The following NARS2 variants were observed in gnomAD, a reference collection of about 807,000 sequenced individuals.
NARS2 encodes asparaginyl-tRNA synthetase.
In NARS2, 60 loss-of-function variants were observed where a neutral mutation model predicts 62.9. That is an observed-to-expected ratio of 0.95 (90% CI 0.77 to 1.18). The LOEUF is 1.18. Among genes scored for constraint, NARS2 ranks in the 50% most tolerant of loss-of-function variants. The pLI is 0.00. For missense variants in NARS2, 619 were observed against 576.4 expected (o/e 1.07, Z -0.76); for synonymous variants, 196 against 200.0 (o/e 0.98, Z 0.17).
chr11:78,480,425 T>G (rs1369886704), intron 7 of NARS2, among the ~76,000 whole-genome samples: 1 of 152,068 alleles, frequency 6.6e-6, no homozygotes, highest in Non-Finnish European at 1.5e-5. Context: ...TAGATAATTT[T>G]TCTATTTTCA....
rs113782062 is a variant in NARS2 at position 78,544,590 on chromosome 11, C to T, written c.594+14949G>A. ...GGCAGATCACTTGAGGTCAGGAGAT[C>T]GAGACCATCCTGGCTAACACGGTGA... On this transcript the variant is annotated intron_variant, in intron 5 of 13. Transcript: ENST00000281038. Among the ~76,000 whole-genome samples the T allele has an allele frequency of 2.0e-5, 3 of 152,064 alleles. No individual in the cohort carries two copies. The South Asian group carries it at 6.2e-4, about 32-fold the overall frequency.
chr11:78,480,822 C>A (rs1230176422), intron 7 of NARS2, among the ~76,000 whole-genome samples: 1 of 145,434 alleles, frequency 6.9e-6, no homozygotes, highest in East Asian at 2.0e-4. Context: ...GTTTAACTTT[C>A]TTTTTTTTTT....
At chr11:78,548,841 C>T (rs1344398456) in intron 5 of NARS2, among the ~76,000 whole-genome samples, 1 of 152,090 alleles carries the variant, frequency 6.6e-6, no homozygotes, top group African/African-American at 2.4e-5. Context: ...TAGAAATCGT[C>T]TTAAGGGTAT....
At chr11:78,447,961 G>T (rs866538914) in intron 11 of NARS2, among the ~76,000 whole-genome samples, 1 of 152,090 alleles carries the variant, frequency 6.6e-6, no homozygotes, top group Non-Finnish European at 1.5e-5. Flanking sequence ...TCAGGCAGAA[G>T]AATAGATTTT....
At chr11:78,475,452 A>T (rs1859048345) in intron 9 of NARS2, among the ~76,000 whole-genome samples, 1 of 152,108 alleles carries the variant, frequency 6.6e-6, no homozygotes, top group Non-Finnish European at 1.5e-5. Flanking sequence ...TATGGTAAAT[A>T]TACTTTTGGT....
intron 6 of NARS2, among the ~76,000 whole-genome samples, chr11:78,505,510 C>T (rs1450827312): frequency 6.6e-6 from 1 of 150,584 alleles, no homozygotes; most frequent in Non-Finnish European, 1.5e-5. Flanking sequence ...TGAACTAAAT[C>T]AAAAGCATGG....
At chr11:78,535,357 G>T (rs910672407) in intron 5 of NARS2, among the ~76,000 whole-genome samples, 3 of 152,144 alleles carry the variant, frequency 2.0e-5, no homozygotes, top group Non-Finnish European at 4.4e-5. Context: ...ATCCTTGAGA[G>T]AAATGGTACA....
At chr11:78,529,629 A>G (rs1429780763) in intron 5 of NARS2, among the ~76,000 whole-genome samples, 1 of 152,224 alleles carries the variant, frequency 6.6e-6, no homozygotes, top group Non-Finnish European at 1.5e-5. Flanking sequence ...CAAACAGTAT[A>G]ATAAAGAAAG....
intron 3 of NARS2, among the ~76,000 whole-genome samples, chr11:78,567,813 A>C (rs1027882835): frequency 2.0e-5 from 3 of 152,224 alleles, no homozygotes; most frequent in Non-Finnish European, 2.9e-5. Flanking sequence ...TTGTTCATTA[A>C]ATATTTGAAG....
At chr11:78,462,015 CTA>C (rs750304086) in intron 11 of NARS2, among the ~76,000 whole-genome samples, 9 of 152,210 alleles carry the variant, frequency 5.9e-5, no homozygotes, top group Non-Finnish European at 1.2e-4. Flanking sequence ...AGACACAATG[CTA>C]TAGTTTCGCT....
chr11:78,491,968 C>T (rs1013576217), intron 7 of NARS2, among the ~76,000 whole-genome samples: 4 of 151,950 alleles, frequency 2.6e-5, no homozygotes, highest in Non-Finnish European at 5.9e-5. Flanking sequence ...AAATAAACAT[C>T]CCATAATTAC....
At chr11:78,480,167 G>C (rs556870341) in intron 7 of NARS2, among the ~76,000 whole-genome samples, 1 of 152,076 alleles carries the variant, frequency 6.6e-6, no homozygotes, top group Non-Finnish European at 1.5e-5. Flanking sequence ...CCCATAGTAC[G>C]AGGATTATAG....
At chr11:78,571,616 A>C in intron 1 of NARS2, 172 bp from the exon 2 acceptor site, 1 of 542,392 alleles carries the variant, frequency 1.8e-6, no homozygotes. Context: ...CAATCACAAT[A>C]GGATACACAC....
At chr11:78,470,479 T>C (rs927280178) in intron 9 of NARS2, among the ~76,000 whole-genome samples, 6 of 151,996 alleles carry the variant, frequency 3.9e-5, no homozygotes, top group Non-Finnish European at 7.4e-5. Context: ...CTTCCTTTTT[T>C]ACAGATGTCA....
intron 6 of NARS2, 63 bp from the exon 7 acceptor site, chr11:78,493,258 A>G: frequency 6.8e-7 from 1 of 1,461,112 alleles, no homozygotes; most frequent in Admixed American, 1.9e-5. Flanking sequence ...GTATTTAAAT[A>G]TTCAGTGAGC....
chr11:78,461,602 TAAAAAAAAAAAAAAA>T (rs59664343), intron 11 of NARS2, among the ~76,000 whole-genome samples: 1 of 64,086 alleles, frequency 1.6e-5, no homozygotes, highest in African/African-American at 6.1e-5. Context: ...GCTGTGCTGG[TAAAAAAAAAAAAAAA>T]AAAAAAAAAA....
In NARS2 at chr11:78,503,426, C is replaced by CG. The variant is rs111617408; in HGVS notation, c.690-10232dup. 9.1e-3 allele frequency among the ~76,000 whole-genome samples: 1,380 copies of CG among 152,122 alleles called. 33 individuals carry two copies. Among genetic ancestry groups the CG allele is most frequent in the African/African-American group, 0.032 (1,329 of 41,524 alleles). On this transcript the variant is annotated intron_variant, in intron 6 of 13. Transcript: ENST00000281038. ...CTAATTTTTGTATTTTTAGTAGAGG[C>CG]GGGGCTTCTCCATGTTGGCCAGGCT...
chr11:78,468,313 A>G (rs1185654060), intron 10 of NARS2, among the ~76,000 whole-genome samples: 1 of 145,206 alleles, frequency 6.9e-6, no homozygotes, highest in African/African-American at 2.7e-5. Flanking sequence ...TAAATCTGAA[A>G]AAAAAAAAAA....
In NARS2 at chr11:78,463,339, C is replaced by T. The variant is rs149790915; in HGVS notation, c.1164+2537G>A. 5.0e-3 allele frequency among the ~76,000 whole-genome samples: 761 copies of T among 152,262 alleles called. 4 individuals carry two copies. The highest frequency in any genetic ancestry group is 0.015 in the African/African-American group (636 of 41,550). On this transcript the variant is annotated intron_variant, in intron 11 of 13. Coordinates refer to ENST00000281038, the MANE Select transcript of NARS2 (RefSeq NM_024678.6). ...ACTACCAAAGTGCTAGGATTACAAACGTGAGCCACTATACCTGGCCATGTT... is the reference window on the plus strand; with the variant it reads ...ACTACCAAAGTGCTAGGATTACAAATGTGAGCCACTATACCTGGCCATGTT...
Sources: allele counts gnomAD v4.1 joint callset (sites outside exome capture counted in the v4.1 genomes callset), GRCh38; gene constraint gnomAD v4.1.1; transcripts MANE v1.5; gene names NCBI Gene and HGNC (gene_info 2026-07-23, HGNC 2026-07-21).